The following MAPK10 variants were observed in gnomAD, a reference collection of about 807,000 sequenced individuals.
MAPK10 encodes the protein mitogen-activated protein kinase 10.
MAPK10 carries 25 observed loss-of-function variants against 59.3 expected under a neutral mutation model. The observed-to-expected ratio is 0.42, with a 90% CI of 0.31 to 0.59. The LOEUF (loss-of-function observed/expected upper bound fraction) is 0.59, where lower values mean the gene tolerates loss of function less well. MAPK10 is among the 20% of genes least tolerant of loss of function. The probability of loss-of-function intolerance (pLI) is 0.15; values close to 1 mark genes in which losing one functional copy is unlikely to be tolerated. For synonymous variants in MAPK10, 190 were observed against 200.5 expected (o/e 0.95, Z 0.44); for missense variants, 351 against 568.9 (o/e 0.62, Z 3.90).
intron 4 of MAPK10, among the ~76,000 whole-genome samples, chr4:86,153,174 A>T (rs2066894951): frequency 6.6e-6 from 1 of 152,236 alleles, no homozygotes; most frequent in Non-Finnish European, 1.5e-5. Flanking sequence ...TTAACTATTT[A>T]ATCTTTAGGA....
chr4:86,402,809 C>G (rs892114682), intron 1 of MAPK10, among the ~76,000 whole-genome samples: 2 of 152,126 alleles, frequency 1.3e-5, no homozygotes, highest in African/African-American at 4.8e-5. Flanking sequence ...GTCCAGATAT[C>G]CCAGAAACAG....
chr4:86,354,974 T>C (rs970635121), intron 1 of MAPK10, among the ~76,000 whole-genome samples: 4 of 152,164 alleles, frequency 2.6e-5, no homozygotes, highest in African/African-American at 9.7e-5. Context: ...GCTCCACTAT[T>C]ACATAGATTT....
intron 4 of MAPK10, among the ~76,000 whole-genome samples, chr4:86,114,627 A>C (rs2149098440): frequency 6.6e-6 from 1 of 152,328 alleles, no homozygotes; most frequent in Middle Eastern, 3.4e-3. Context: ...GGTGTCTGGC[A>C]ACCCCTGTTG....
At chr4:86,481,103 A>T in intron 1 of MAPK10, among the ~76,000 whole-genome samples, 1 of 152,198 alleles carries the variant, frequency 6.6e-6, no homozygotes, top group Admixed American at 6.5e-5. Flanking sequence ...GAATTTCTAT[A>T]TTGCAAATTC....
intron 4 of MAPK10, among the ~76,000 whole-genome samples, chr4:86,112,748 G>A (rs2057701483): frequency 6.6e-6 from 1 of 152,122 alleles, no homozygotes; most frequent in Non-Finnish European, 1.5e-5. Context: ...CCAGAGCTGA[G>A]TTCAAGCCCT....
chr4:86,148,708 C>T (rs1470773416), intron 4 of MAPK10, among the ~76,000 whole-genome samples: 1 of 152,054 alleles, frequency 6.6e-6, no homozygotes, highest in South Asian at 2.1e-4. Flanking sequence ...AGAAATACAT[C>T]GTGAAGGGCA....
intron 1 of MAPK10, among the ~76,000 whole-genome samples, chr4:86,434,167 T>C (rs1218701501): frequency 6.6e-6 from 1 of 152,146 alleles, no homozygotes; most frequent in Non-Finnish European, 1.5e-5. Flanking sequence ...CAATAGACGA[T>C]ACTGGGAAAA....
chr4:86,157,087 G>A (rs2068011848), intron 4 of MAPK10, among the ~76,000 whole-genome samples: 1 of 151,982 alleles, frequency 6.6e-6, no homozygotes, highest in South Asian at 2.1e-4. Flanking sequence ...ATATAGTATA[G>A]TAATAACTTC....
At chr4:86,273,647 A>G (rs1372114514) in intron 2 of MAPK10, among the ~76,000 whole-genome samples, 2 of 151,978 alleles carry the variant, frequency 1.3e-5, no homozygotes, top group Admixed American at 1.3e-4. Flanking sequence ...ATTAAATTCA[A>G]TGAGCAGTAG....
intron 1 of MAPK10, among the ~76,000 whole-genome samples, chr4:86,583,538 G>A (rs1762450701): frequency 6.6e-6 from 1 of 152,080 alleles, no homozygotes; most frequent in South Asian, 2.1e-4. Flanking sequence ...TTCTTTTTCG[G>A]TCTTGAAAGA....
At chr4:86,542,123 G>A (rs1758754048) in intron 1 of MAPK10, among the ~76,000 whole-genome samples, 1 of 151,938 alleles carries the variant, frequency 6.6e-6, no homozygotes, top group African/African-American at 2.4e-5. Flanking sequence ...TTTTTATTCA[G>A]AATATTGAGA....
chr4:86,171,394 A>G (rs1269420534), intron 3 of MAPK10, among the ~76,000 whole-genome samples: 1 of 152,136 alleles, frequency 6.6e-6, no homozygotes, highest in Non-Finnish European at 1.5e-5. Flanking sequence ...GATCAATGGA[A>G]CAGAACAGAG....
At chr4:86,106,040 T>A (rs936440353) in intron 5 of MAPK10, among the ~76,000 whole-genome samples, 2 of 152,170 alleles carry the variant, frequency 1.3e-5, no homozygotes, top group African/African-American at 2.4e-5. Context: ...CAGCAATTTG[T>A]CTGTTTTCTT....
intron 2 of MAPK10, among the ~76,000 whole-genome samples, chr4:86,263,060 T>C (rs1023336320): frequency 2.0e-5 from 3 of 152,134 alleles, no homozygotes; most frequent in Non-Finnish European, 2.9e-5. Context: ...GGTCACAGCT[T>C]TTGTGATATG....
rs144177641 is a variant in MAPK10, at chr4:86,495,202, T to C, written c.-263+98708A>G. Among the ~76,000 whole-genome samples, 915 of 152,316 alleles carry C rather than the reference T, an allele frequency of 6.0e-3. 7 individuals are homozygous for C. The highest frequency in any genetic ancestry group is 0.019 in the African/African-American group (807 of 41,562). ...CATAAAACAATGATGTTTAATGATA[T>C]GGTAAGATGGGAGGCATTTATTTAC... On this transcript the variant is annotated intron_variant, in intron 1 of 4. Transcript: ENST00000502302.
At chr4:86,141,631 A>G (rs1399430728) in intron 4 of MAPK10, among the ~76,000 whole-genome samples, 2 of 152,220 alleles carry the variant, frequency 1.3e-5, no homozygotes, top group East Asian at 3.8e-4. Context: ...TACAGAGTCT[A>G]TGGGAGAAAA....
intron 1 of MAPK10, among the ~76,000 whole-genome samples, chr4:86,495,449 TA>T (rs1564948683): frequency 1.3e-5 from 2 of 152,324 alleles, no homozygotes; most frequent in Non-Finnish European, 2.9e-5. Flanking sequence ...ATTTCCCTTA[TA>T]AATATTTCAG....
intron 2 of MAPK10, among the ~76,000 whole-genome samples, chr4:86,203,005 A>G (rs111403420): frequency 1.3e-4 from 20 of 152,112 alleles, no homozygotes; most frequent in African/African-American, 4.1e-4. Context: ...GGCCCATTGT[A>G]TAGAAACAAC....
chr4:86,426,367 A>G (rs1747279962), intron 1 of MAPK10, among the ~76,000 whole-genome samples: 1 of 152,234 alleles, frequency 6.6e-6, no homozygotes, highest in African/African-American at 2.4e-5. Context: ...GCAAATTCCC[A>G]ACTAAGATGC....
Sources: allele counts gnomAD v4.1 joint callset (sites outside exome capture counted in the v4.1 genomes callset), GRCh38; gene constraint gnomAD v4.1.1; transcripts MANE v1.5; gene names NCBI Gene and HGNC (gene_info 2026-07-23, HGNC 2026-07-21).